GATAD1: variants seen among roughly 807,000 people sequenced by gnomAD.
The protein encoded by GATAD1 is GATA zinc finger domain-containing protein 1.
In GATAD1, 12 loss-of-function variants were observed where a neutral mutation model predicts 26.5. That is an observed-to-expected ratio of 0.45 (90% CI 0.29 to 0.73). The LOEUF (loss-of-function observed/expected upper bound fraction) is 0.73. Ranked by LOEUF, GATAD1 falls within the 30% of genes least tolerant of loss-of-function variation. GATAD1 has a pLI of 0.10. For missense variants in GATAD1, 266 were observed against 342.1 expected, an observed-to-expected ratio of 0.78 and a Z score of 1.75; for synonymous variants, 129 against 133.1, an observed-to-expected ratio of 0.97 and a Z score of 0.21.
chr7:92,471,094 G>C, the GATAD1 span: 2 of 166,598 alleles, frequency 1.2e-5, no homozygotes, highest in Non-Finnish European at 2.9e-5. Flanking sequence ...CCGAATCTGG[G>C]AATTATTTCA....
intron 3 of GATAD1, 109 bp from the exon 4 acceptor site, chr7:92,454,393 A>G: frequency 1.2e-6 from 1 of 801,670 alleles, no homozygotes; most frequent in Admixed American, 2.1e-5. Flanking sequence ...GACTATCTCG[A>G]ACACCTTTTA....
At chr7:92,475,213 G>A in the GATAD1 span, 2 of 152,144 alleles carry the variant, frequency 1.3e-5, no homozygotes, top group Non-Finnish European at 1.5e-5. Flanking sequence ...AAGAATATAA[G>A]TCGTTTCTTT....
At chr7:92,450,892 C>G (rs1425480200) in intron 3 of GATAD1, 132 bp downstream of exon 3, 4 of 580,398 alleles carry the variant, frequency 6.9e-6, no homozygotes, top group Non-Finnish European at 1.2e-5. Context: ...TTGTTCCCTT[C>G]TTAGCTGTTT....
the GATAD1 span, among the ~76,000 whole-genome samples, chr7:92,485,932 A>G: frequency 6.6e-6 from 1 of 152,206 alleles, no homozygotes; most frequent in Non-Finnish European, 1.5e-5. Context: ...GGCCCAAAGA[A>G]TCAGAATATT....
At chr7:92,452,202 G>A (rs1789465616) in intron 3 of GATAD1, among the ~76,000 whole-genome samples, 1 of 152,246 alleles carries the variant, frequency 6.6e-6, no homozygotes, top group African/African-American at 2.4e-5. Flanking sequence ...CAGTTTCCAT[G>A]TGTGTCTCCA....
Position 92,448,073 on chromosome 7 carries a change from C to G in GATAD1, c.249+95C>G, listed in dbSNP as rs6963580. 0.19 allele frequency: 184,345 copies of G among 954,570 alleles called. 18,361 individuals are homozygous for G. The highest frequency in any genetic ancestry group is 0.33 in the East Asian group (8,353 of 25,628). 59.1% of individuals were successfully genotyped at this position (954,570 alleles called of 1,614,324 possible). ...GGGAGCGGGCGGGCGCGGGCTTCCC[C>G]GATCGCCGTGCTCCTGCTGGCTGGA... On this transcript the variant is annotated intron_variant, in intron 1 of 4. Transcript: ENST00000287957.
the GATAD1 span, chr7:92,489,695 G>C: frequency 1.9e-6 from 3 of 1,601,040 alleles, no homozygotes; most frequent in Non-Finnish European, 2.6e-6. Flanking sequence ...CAATTATAAT[G>C]AGGGGGAAAA....
At chr7:92,456,031 C>G (rs1040606761) in intron 4 of GATAD1, among the ~76,000 whole-genome samples, 2 of 152,290 alleles carry the variant, frequency 1.3e-5, no homozygotes, top group South Asian at 2.1e-4. Context: ...GTCTCTCTTG[C>G]CTCACTTTCC....
chr7:92,474,839 C>T, the GATAD1 span: 6 of 152,308 alleles, frequency 3.9e-5, no homozygotes, highest in East Asian at 5.8e-4. Flanking sequence ...GAAAAAGGCA[C>T]ATGCACTCTG....
chr7:92,491,209 C>A, the GATAD1 span: 3 of 1,163,944 alleles, frequency 2.6e-6, no homozygotes, highest in Admixed American at 1.7e-5. Flanking sequence ...GAAATCACTG[C>A]AACTTTACAC....
chr7:92,470,150 G>T, the GATAD1 span: 1 of 778,846 alleles, frequency 1.3e-6, no homozygotes, highest in South Asian at 1.3e-5. Context: ...TGCATGCAAA[G>T]AGTGGCAGAG....
the GATAD1 span, chr7:92,494,600 A>G: frequency 6.2e-7 from 1 of 1,614,074 alleles, no homozygotes; most frequent in Non-Finnish European, 8.5e-7. Context: ...TTCATCAAAG[A>G]AAAGAATGCA....
At chr7:92,482,867 C>T in the GATAD1 span, among the ~76,000 whole-genome samples, 1 of 152,002 alleles carries the variant, frequency 6.6e-6, no homozygotes, top group Non-Finnish European at 1.5e-5. Flanking sequence ...GAAGCTTGGC[C>T]GTCAATACCC....
chr7:92,477,529 T>G, the GATAD1 span: 1 of 152,882 alleles, frequency 6.5e-6, no homozygotes. Context: ...CCTGGAGTTC[T>G]TGGCCTCACG....
the GATAD1 span, chr7:92,470,926 G>A: frequency 6.0e-6 from 1 of 167,308 alleles, no homozygotes; most frequent in Non-Finnish European, 1.5e-5. Flanking sequence ...TTTTTTAGAT[G>A]TCCTTTGAGT....
the GATAD1 span, among the ~76,000 whole-genome samples, chr7:92,476,863 C>T: frequency 2.6e-5 from 4 of 152,128 alleles, no homozygotes; most frequent in African/African-American, 4.8e-5. Context: ...AAGGACGCAG[C>T]GCAGAGCTTC....
chr7:92,479,201 C>G, the GATAD1 span, among the ~76,000 whole-genome samples: 8 of 152,176 alleles, frequency 5.3e-5, no homozygotes, highest in African/African-American at 1.9e-4. Context: ...GTTGTCACCC[C>G]CGTCCCTGTG....
the GATAD1 span, among the ~76,000 whole-genome samples, chr7:92,482,036 A>AG: frequency 1.3e-4 from 20 of 152,206 alleles, no homozygotes; most frequent in Non-Finnish European, 2.6e-4. Flanking sequence ...GATTTAAAGG[A>AG]GGGGCTACAA....
chr7:92,483,751 G>T, the GATAD1 span, among the ~76,000 whole-genome samples: 1 of 152,336 alleles, frequency 6.6e-6, no homozygotes, highest in Admixed American at 6.5e-5. Context: ...AGATGGGGGA[G>T]GGCTAGTCAC....
Sources: gnomAD v4.1 joint callset for allele counts (sites outside exome capture counted in the v4.1 genomes callset) on GRCh38, gnomAD v4.1.1 for gene constraint, MANE v1.5 for transcripts, NCBI Gene and HGNC (gene_info 2026-07-23, HGNC 2026-07-21) for gene names.